Variants in SLC14A2 observed in about 807,000 individuals in gnomAD.
The protein encoded by SLC14A2 is solute carrier family 14 member 2.
SLC14A2 carries 91 observed loss-of-function variants against 104.6 expected under a neutral mutation model. The ratio of observed to expected loss-of-function variants is 0.87; its 90% CI spans 0.73 to 1.04. The LOEUF is 1.04. Among genes scored for constraint, SLC14A2 ranks in the 50% least tolerant of loss-of-function variants. The pLI is 0.00. For synonymous variants in SLC14A2, 476 were observed against 466.4 expected, an observed-to-expected ratio of 1.02 and a Z score of -0.27; for missense variants, 1,189 against 1,156.0, an observed-to-expected ratio of 1.03 and a Z score of -0.41.
chr18:45,422,877 CGA>C (rs987131702), intron 1 of SLC14A2, among the ~76,000 whole-genome samples: 1 of 152,164 alleles, frequency 6.6e-6, no homozygotes, highest in Non-Finnish European at 1.5e-5. Context: ...CTCATCAGTG[CGA>C]TTTGTACACT....
chr18:45,316,981 C>T (rs1298816134), intron 1 of SLC14A2, among the ~76,000 whole-genome samples: 1 of 152,226 alleles, frequency 6.6e-6, no homozygotes, highest in African/African-American at 2.4e-5. Context: ...AACCTATGAA[C>T]TGGGCATTCT....
Position 45,411,048 on chromosome 18 carries a change from G to C in SLC14A2, c.-124-72185G>C, listed in dbSNP as rs538256960. The stretch of plus-strand genomic sequence containing the variant: ...AGAAACACACATAAAGCAAGATTAT[G>C]TATTGATTGGCAACAATGATGTGAT... On this transcript the variant is annotated intron_variant, in intron 1 of 20. Transcript: ENST00000586448. Among the ~76,000 whole-genome samples the C allele has an allele frequency of 1.1e-3, 160 of 152,282 alleles. 2 individuals carry two copies. Among genetic ancestry groups the C allele is most frequent in the African/African-American group, 3.7e-3 (153 of 41,548 alleles).
At chr18:45,521,322 T>C (rs922546145) in intron 2 of SLC14A2, among the ~76,000 whole-genome samples, 1 of 152,192 alleles carries the variant, frequency 6.6e-6, no homozygotes, top group Non-Finnish European at 1.5e-5. Flanking sequence ...ACTTGCAGTT[T>C]CTGGCATTGT....
chr18:45,224,022 A>G (rs1352210089), intron 1 of SLC14A2, among the ~76,000 whole-genome samples: 1 of 152,234 alleles, frequency 6.6e-6, no homozygotes, highest in African/African-American at 2.4e-5. Flanking sequence ...TAATAAGAGC[A>G]TGTTTTCATC....
intron 1 of SLC14A2, among the ~76,000 whole-genome samples, chr18:45,411,312 TA>T (rs1383665081): frequency 3.0e-4 from 46 of 152,236 alleles, no homozygotes; most frequent in African/African-American, 1.1e-3. Flanking sequence ...ATTGCTAATT[TA>T]AATTAGTTCC....
At chr18:45,672,106 T>C (rs1440593418) in intron 16 of SLC14A2, among the ~76,000 whole-genome samples, 1 of 152,234 alleles carries the variant, frequency 6.6e-6, no homozygotes, top group Admixed American at 6.5e-5. Context: ...TGGCCGCTCC[T>C]GTAGATACTA....
intron 1 of SLC14A2, among the ~76,000 whole-genome samples, chr18:45,388,264 A>G (rs539601156): frequency 1.9e-4 from 29 of 151,846 alleles, no homozygotes; most frequent in African/African-American, 5.6e-4. Context: ...GGGTCTCACC[A>G]TGTTAGCCAG....
chr18:45,557,352 G>A (rs915972319), intron 2 of SLC14A2, among the ~76,000 whole-genome samples: 27 of 152,322 alleles, frequency 1.8e-4, no homozygotes, highest in African/African-American at 5.8e-4. Context: ...TCGCCAATGC[G>A]TCTCTTTGAA....
intron 1 of SLC14A2, among the ~76,000 whole-genome samples, chr18:45,477,794 C>T (rs1358417930): frequency 6.6e-6 from 1 of 152,176 alleles, no homozygotes; most frequent in Non-Finnish European, 1.5e-5. Context: ...GAGAGGAAAA[C>T]CACCTACTCA....
intron 2 of SLC14A2, among the ~76,000 whole-genome samples, chr18:45,539,044 T>C (rs2043844288): frequency 6.6e-6 from 1 of 151,910 alleles, no homozygotes; most frequent in Admixed American, 6.6e-5. Context: ...TCCTTGCTCA[T>C]GAGAAGCCCA....
chr18:45,483,443 A>G (rs368216544), intron 2 of SLC14A2: 1 of 152,272 alleles, frequency 6.6e-6, no homozygotes, highest in African/African-American at 2.4e-5. Context: ...ACCACACGGG[A>G]GCTGTGATGA....
chr18:45,391,092 A>T (rs2085956899), intron 1 of SLC14A2, among the ~76,000 whole-genome samples: 1 of 151,098 alleles, frequency 6.6e-6, no homozygotes, highest in Admixed American at 6.6e-5. Context: ...CACCCACCCC[A>T]CAACAGGCCC....
chr18:45,519,280 G>A (rs2043483627), intron 2 of SLC14A2, among the ~76,000 whole-genome samples: 1 of 152,182 alleles, frequency 6.6e-6, no homozygotes, highest in African/African-American at 2.4e-5. Context: ...GCAACAGAAG[G>A]CAAGGTGGGG....
intron 2 of SLC14A2, among the ~76,000 whole-genome samples, chr18:45,527,142 A>C (rs972889730): frequency 1.3e-5 from 2 of 152,206 alleles, no homozygotes; most frequent in African/African-American, 4.8e-5. Context: ...GTTCCCAAGA[A>C]TCTTCCAAGA....
intron 2 of SLC14A2, among the ~76,000 whole-genome samples, chr18:45,581,995 G>A (rs1028478720): frequency 2.6e-5 from 4 of 152,228 alleles, no homozygotes; most frequent in African/African-American, 9.6e-5. Context: ...AGTGTATTCA[G>A]CTCACAGCTC....
chr18:45,385,684 T>C (rs1348526397), intron 1 of SLC14A2, among the ~76,000 whole-genome samples: 1 of 152,224 alleles, frequency 6.6e-6, no homozygotes, highest in Non-Finnish European at 1.5e-5. Flanking sequence ...AGTGACTTGC[T>C]CAAGATGTCT....
chr18:45,311,209 G>A (rs2085075449), intron 1 of SLC14A2, among the ~76,000 whole-genome samples: 1 of 152,222 alleles, frequency 6.6e-6, no homozygotes, highest in African/African-American at 2.4e-5. Flanking sequence ...TAAAGCTGAA[G>A]GGAAAAGTCA....
chr18:45,233,746 G>A (rs1439774452), intron 1 of SLC14A2, among the ~76,000 whole-genome samples: 2 of 132,716 alleles, frequency 1.5e-5, no homozygotes, highest in African/African-American at 2.9e-5. Context: ...TCACTTTCCC[G>A]CCCCACCCCC....
intron 1 of SLC14A2, among the ~76,000 whole-genome samples, chr18:45,413,026 C>T (rs1009386386): frequency 5.3e-5 from 8 of 152,034 alleles, no homozygotes; most frequent in African/African-American, 1.7e-4. Flanking sequence ...TAAGGTTGTC[C>T]GTTTTTCATT....
Sources: gnomAD v4.1 joint callset for allele counts (sites outside exome capture counted in the v4.1 genomes callset) on GRCh38, gnomAD v4.1.1 for gene constraint, MANE v1.5 for transcripts, NCBI Gene and HGNC (gene_info 2026-07-23, HGNC 2026-07-21) for gene names.